The following JAKMIP1 variants were observed in gnomAD, a reference collection of about 807,000 sequenced individuals.
The protein encoded by JAKMIP1 is janus kinase and microtubule interacting protein 1.
JAKMIP1 carries 33 observed loss-of-function variants against 113.0 expected under a neutral mutation model. The ratio of observed to expected loss-of-function variants is 0.29; its 90% CI spans 0.22 to 0.39. The LOEUF (loss-of-function observed/expected upper bound fraction) is 0.39, where lower values mean the gene tolerates loss of function less well. Among genes scored for constraint, JAKMIP1 ranks in the 10% least tolerant of loss-of-function variants. The pLI, the probability that JAKMIP1 is intolerant of heterozygous loss-of-function variation, is 1.00. For missense variants in JAKMIP1, 813 were observed against 1,080.5 expected (o/e 0.75, Z 3.47); for synonymous variants, 480 against 459.9 (o/e 1.04, Z -0.56).
rs113245285 is a variant in JAKMIP1, at chr4:6,178,648, T to C, written c.-148+21605A>G. On this transcript the variant is annotated intron_variant, in intron 1 of 20. Transcript: ENST00000409021. This position sits in a 1 kb window ranked among gnomAD's most constrained non-coding sequence, Gnocchi z 5.5. ...TCCCCTAATGCCATGATTGTAAGTT[T>C]TTTAAGGCTTCCCCAGCCATGCAAA... Among the ~76,000 whole-genome samples, 1,875 of 152,268 alleles carry C rather than the reference T, an allele frequency of 0.012. 50 individuals carry two copies. Among genetic ancestry groups the C allele is most frequent in the African/African-American group, 0.043 (1,783 of 41,532 alleles).
chr4:6,089,076 A>G lies in JAKMIP1; in HGVS notation c.625-3447T>C, dbSNP rs1479085153. ...TCCTCCTGTTTTTCTTTAGGAGCTA[A>G]GAAAGGGACTCTGGGCTGTGTGGTG... On this transcript the variant is annotated intron_variant, in intron 3 of 20. Transcript: ENST00000409021. The surrounding 1 kb of genome is among the most constrained non-coding windows in gnomAD (Gnocchi z 5.3). Among the ~76,000 whole-genome samples, 2 of 152,214 alleles carry G rather than the reference A, an allele frequency of 1.3e-5. No individual in the cohort carries two copies. Among genetic ancestry groups the G allele is most frequent in the African/African-American group, 4.8e-5 (2 of 41,466 alleles).
In JAKMIP1 at chr4:6,105,946, G is replaced by A. The variant is rs545031943; in HGVS notation, c.151C>T (p.Leu51=). The A allele has an allele frequency of 1.9e-5, 30 of 1,602,934 alleles. No homozygotes were observed. Among genetic ancestry groups the A allele is most frequent in the Admixed American group, 1.2e-4 (7 of 59,634 alleles). The part of the protein sequence containing the change: ...KSKVGKLRER[L]QEAKLEREQE... ...TCGCGCTCCAGCTTCGCCTCCTGCA[G>A]CCGCTCGCGCAGTTTGCCCACCTGC... Residue 51 remains leucine (L), a synonymous_variant, in exon 3 of 21, where the codon CTG becomes TTG. Transcript: ENST00000409021.
chr4:6,113,105 G>A, intron 1 of JAKMIP1, 108 bp from the exon 2 acceptor site: 1 of 512,938 alleles, frequency 1.9e-6, no homozygotes, highest in Admixed American at 3.4e-5. Flanking sequence ...AGCATGACCT[G>A]CCACTCCCAG....
Position 6,157,376 on chromosome 4 carries a change from A to G in JAKMIP1, c.-148+42877T>C, listed in dbSNP as rs1437467309. On this transcript the variant is annotated intron_variant, in intron 1 of 20. Coordinates refer to ENST00000409021, the MANE Select transcript of JAKMIP1 (RefSeq NM_001099433.2). This position sits in a 1 kb window ranked among gnomAD's most constrained non-coding sequence, Gnocchi z 4.7. ...ACAACACAGGGTTGTCCCAAGAACC[A>G]AATGAGATTAAATTGAAAGCTCTCT... 6.6e-6 allele frequency among the ~76,000 whole-genome samples: 1 copy of G among 152,238 alleles called. No homozygotes were observed. Among genetic ancestry groups the G allele is most frequent in the Non-Finnish European group, 1.5e-5 (1 of 68,044 alleles).
Position 6,155,342 on chromosome 4 carries a change from C to T in JAKMIP1, c.-147-42345G>A, listed in dbSNP as rs952053972. On this transcript the variant is annotated intron_variant, in intron 1 of 20. Coordinates refer to ENST00000409021, the MANE Select transcript of JAKMIP1 (RefSeq NM_001099433.2). This position sits in a 1 kb window ranked among gnomAD's most constrained non-coding sequence, Gnocchi z 6.1. ...GAATGTTTACCCAGCCCTTATCCTG[C>T]GTCAGCTCTGCTCCAAGCACTTTAT... Among the ~76,000 whole-genome samples the T allele has an allele frequency of 1.3e-5, 2 of 152,158 alleles. No homozygotes were observed. The highest frequency in any genetic ancestry group is 2.4e-5 in the African/African-American group (1 of 41,434).
rs902333751 is a variant in JAKMIP1 at position 6,081,023 on chromosome 4, G to A, written c.1101+586C>T. Among the ~76,000 whole-genome samples the A allele has an allele frequency of 3.1e-4, 19 of 60,320 alleles. No homozygotes were observed. The highest frequency in any genetic ancestry group is 1.8e-3 in the African/African-American group (19 of 10,610). The allele number at this position is 60,320 out of a possible 152,430, so 39.6% of individuals were successfully genotyped here. ...CACACACACACACACACCTGCATCT[G>A]CTACAGTGCAGACAGCAGAGCATGT... On this transcript the variant is annotated intron_variant, in intron 6 of 20. Transcript: ENST00000409021. This position sits in a 1 kb window ranked among gnomAD's most constrained non-coding sequence, Gnocchi z 4.6.
intron 1 of JAKMIP1, among the ~76,000 whole-genome samples, chr4:6,196,730 A>G (rs2109069970): frequency 1.3e-5 from 2 of 152,232 alleles, no homozygotes; most frequent in East Asian, 1.9e-4. Context: ...GCATGGTGGC[A>G]GGTGCCTGTA....
In JAKMIP1 at chr4:6,162,248, A is replaced by G. The variant is rs1723062572; in HGVS notation, c.-148+38005T>C. Among the ~76,000 whole-genome samples the G allele has an allele frequency of 6.6e-6, 1 of 152,176 alleles. No homozygotes were observed. The highest frequency in any genetic ancestry group is 2.1e-4 in the South Asian group (1 of 4,832). On this transcript the variant is annotated intron_variant, in intron 1 of 20. Coordinates refer to ENST00000409021, the MANE Select transcript of JAKMIP1 (RefSeq NM_001099433.2). The surrounding 1 kb of genome is among the most constrained non-coding windows in gnomAD (Gnocchi z 5.6). ...GGTCTTATGAGGAATGGGACCTCTC[A>G]GCTGCTGGAAGGCCTACCTAGGTGG...
chr4:6,086,661 G>T lies in JAKMIP1; in HGVS notation c.625-1032C>A, dbSNP rs1254877022. On this transcript the variant is annotated intron_variant, in intron 3 of 20. Coordinates refer to ENST00000409021, the MANE Select transcript of JAKMIP1 (RefSeq NM_001099433.2). The surrounding 1 kb of genome is among the most constrained non-coding windows in gnomAD (Gnocchi z 4.1). ...GATGCTCCAGTGAAGGCACTGTCCT[G>T]GTTGAATAGCAGGCCCCCAAGACCC... Among the ~76,000 whole-genome samples, 2 of 152,058 alleles carry T rather than the reference G, an allele frequency of 1.3e-5. No homozygotes were observed. Among genetic ancestry groups the T allele is most frequent in the Admixed American group, 6.6e-5 (1 of 15,266 alleles).
intron 8 of JAKMIP1, among the ~76,000 whole-genome samples, chr4:6,070,445 C>T (rs1298659016): frequency 3.9e-5 from 6 of 152,274 alleles, no homozygotes; most frequent in African/African-American, 1.4e-4. Context: ...ACGCCAACCG[C>T]GGGCTGAAGG....
At chr4:6,115,261 T>C (rs1715561707) in intron 1 of JAKMIP1, among the ~76,000 whole-genome samples, 1 of 151,930 alleles carries the variant, frequency 6.6e-6, no homozygotes, top group South Asian at 2.1e-4. Flanking sequence ...ATACAAAAAA[T>C]TAGCAGGGCG....
rs948143821 is a variant in JAKMIP1 at position 6,051,168 on chromosome 4, G to A, written c.1807-489C>T. ...AGGGAGGCTGTGTCTGAGGTCCCAC[G>A]CTAGCAAGCGGCAGGGCCAGGACCC... On this transcript the variant is annotated intron_variant, in intron 13 of 20. Transcript: ENST00000409021. This position sits in a 1 kb window ranked among gnomAD's most constrained non-coding sequence, Gnocchi z 5.0. Among the ~76,000 whole-genome samples the A allele has an allele frequency of 7.2e-5, 11 of 152,004 alleles. No homozygotes were observed. Among genetic ancestry groups the A allele is most frequent in the African/African-American group, 2.2e-4 (9 of 41,374 alleles).
At chr4:6,105,032 A>G (rs1046163943) in intron 3 of JAKMIP1, among the ~76,000 whole-genome samples, 1 of 152,310 alleles carries the variant, frequency 6.6e-6, no homozygotes. Context: ...TAGTTCATCC[A>G]CACTCCACAG....
chr4:6,036,051 C>T lies in JAKMIP1; in HGVS notation c.2232G>A (p.Arg744=). ...CCTCGCTCAGCGCCTCACCGGCCCT[C>T]CGCCCCGGCTCCTGCTGCAGCGCTG... ...LYTALQQEPG[R]RAGEALSEGQ... Residue 744 remains arginine, a synonymous_variant, in exon 19 of 21, where the codon CGG becomes CGA. Coordinates refer to ENST00000409021, the MANE Select transcript of JAKMIP1 (RefSeq NM_001099433.2). 6.4e-7 allele frequency: 1 copy of T among 1,556,412 alleles called. No individual in the cohort carries two copies. The highest frequency in any genetic ancestry group is 1.4e-5 in the African/African-American group (1 of 73,556).
Position 6,061,159 on chromosome 4 carries a change from G to A in JAKMIP1, c.1561-652C>T, listed in dbSNP as rs557580343. ...CCAGATGTTCTGACCTTTCAAGAGA[G>A]GTCAGGAACCTGGATTTCTCTATAG... On this transcript the variant is annotated intron_variant, in intron 10 of 20. Transcript: ENST00000409021. The surrounding 1 kb of genome is among the most constrained non-coding windows in gnomAD (Gnocchi z 5.3). 6.6e-5 allele frequency among the ~76,000 whole-genome samples: 10 copies of A among 152,302 alleles called. No individual in the cohort carries two copies. In the South Asian group the frequency reaches 2.1e-3, roughly 32 times the overall value.
At chr4:6,100,722 C>G (rs1416934718) in intron 3 of JAKMIP1, among the ~76,000 whole-genome samples, 1 of 152,048 alleles carries the variant, frequency 6.6e-6, no homozygotes, top group African/African-American at 2.4e-5. Context: ...CCTCCACATG[C>G]TAGTCAACAT....
At chr4:6,131,076 C>A (rs1718440432) in intron 1 of JAKMIP1, among the ~76,000 whole-genome samples, 1 of 145,968 alleles carries the variant, frequency 6.9e-6, no homozygotes, top group Non-Finnish European at 1.5e-5. Flanking sequence ...GTGGGAGGAT[C>A]ACCCGGGCTC....
rs576961725 is a variant in JAKMIP1 at position 6,150,024 on chromosome 4, A to G, written c.-147-37027T>C. Among the ~76,000 whole-genome samples the G allele has an allele frequency of 2.0e-5, 3 of 152,188 alleles. No individual in the cohort carries two copies. In the East Asian group the frequency reaches 5.8e-4, roughly 29 times the overall value. Reference sequence around the variant, plus strand: ...AAATCTCCCCTTGCCTAAATCTCACATCCTCCAAGGTCAATTACACACTCA... The same window carrying G: ...AAATCTCCCCTTGCCTAAATCTCACGTCCTCCAAGGTCAATTACACACTCA... On this transcript the variant is annotated intron_variant, in intron 1 of 20. Transcript: ENST00000409021. This position sits in a 1 kb window ranked among gnomAD's most constrained non-coding sequence, Gnocchi z 4.8.
At position 6,059,320 on chromosome 4, in the gene JAKMIP1, C is replaced by A. The variant is rs567915594; in HGVS notation, c.1644+1104G>T. On this transcript the variant is annotated intron_variant, in intron 11 of 20. Transcript: ENST00000409021. The surrounding 1 kb of genome is among the most constrained non-coding windows in gnomAD (Gnocchi z 4.8). ...ACCTCAGTCTCAACCCCGAGCCCTGCGGCAGCCATTCTGAGCTGCCAGCTT... is the reference window on the plus strand; with the variant it reads ...ACCTCAGTCTCAACCCCGAGCCCTGAGGCAGCCATTCTGAGCTGCCAGCTT... 5.3e-5 allele frequency among the ~76,000 whole-genome samples: 8 copies of A among 152,196 alleles called. No homozygotes were observed. Among genetic ancestry groups the A allele is most frequent in the Non-Finnish European group, 4.4e-5 (3 of 68,028 alleles).
Sources: gnomAD v4.1 joint callset for allele counts (sites outside exome capture counted in the v4.1 genomes callset) on GRCh38, gnomAD v4.1.1 for gene constraint, Gnocchi (gnomAD v3.1) non-coding constraint, MANE v1.5 for transcripts, NCBI Gene and HGNC (gene_info 2026-07-23, HGNC 2026-07-21) for gene names.